Variants in MORC1 observed in about 807,000 individuals in gnomAD.
The protein encoded by MORC1 is MORC family CW-type zinc finger protein 1.
MORC1 carries 59 observed loss-of-function variants against 134.9 expected under a neutral mutation model. That is an observed-to-expected ratio of 0.44 (90% CI 0.35 to 0.54). The LOEUF (loss-of-function observed/expected upper bound fraction) is 0.54, where lower values mean the gene tolerates loss of function less well. MORC1 is among the 20% of genes least tolerant of loss of function. MORC1 has a pLI of 0.00. For synonymous variants in MORC1, 395 were observed against 391.7 expected (o/e 1.01, Z -0.10); for missense variants, 947 against 1,134.5 (o/e 0.83, Z 2.37).
intron 8 of MORC1, among the ~76,000 whole-genome samples, chr3:109,075,878 T>A (rs1019098445): frequency 6.6e-6 from 1 of 152,134 alleles, no homozygotes; most frequent in African/African-American, 2.4e-5. Context: ...AATCTATAAA[T>A]TACATTGGGC....
chr3:109,077,081 C>T (rs1278595065), intron 8 of MORC1, among the ~76,000 whole-genome samples: 2 of 151,192 alleles, frequency 1.3e-5, no homozygotes, highest in Non-Finnish European at 2.9e-5. Flanking sequence ...TTCTGATCAA[C>T]AACATGTATT....
intron 24 of MORC1, among the ~76,000 whole-genome samples, chr3:108,975,460 A>T (rs750612502): frequency 6.6e-6 from 1 of 152,188 alleles, no homozygotes; most frequent in Non-Finnish European, 1.5e-5. Context: ...AAATAAATGG[A>T]GTCTGCCTTA....
intron 14 of MORC1, among the ~76,000 whole-genome samples, chr3:109,040,018 A>G (rs906530980): frequency 3.3e-5 from 5 of 152,228 alleles, no homozygotes; most frequent in Non-Finnish European, 7.3e-5. Context: ...GCAAAGGCAC[A>G]GGCTCAGGCT....
At chr3:108,981,033 T>C (rs1947703336) in intron 23 of MORC1, among the ~76,000 whole-genome samples, 1 of 151,946 alleles carries the variant, frequency 6.6e-6, no homozygotes, top group Non-Finnish European at 1.5e-5. Context: ...GGCTGCAGCA[T>C]GAAAAATAAC....
At chr3:109,049,015 C>T (rs1949758141) in intron 14 of MORC1, 1 of 337,120 alleles carries the variant, frequency 3.0e-6, no homozygotes, top group Non-Finnish European at 4.2e-6. Flanking sequence ...CGGGTACATA[C>T]ATAAAATCTT....
chr3:109,050,398 G>T (rs541622183), intron 14 of MORC1, among the ~76,000 whole-genome samples: 2 of 152,256 alleles, frequency 1.3e-5, no homozygotes, highest in East Asian at 3.9e-4. Context: ...TTCTTAGATG[G>T]CTGTCTCTCA....
chr3:109,091,321 G>T (rs1293877549), intron 8 of MORC1, among the ~76,000 whole-genome samples: 1 of 151,924 alleles, frequency 6.6e-6, no homozygotes, highest in African/African-American at 2.4e-5. Context: ...GCACATGCCT[G>T]TAATCCCAGC....
At chr3:109,107,761 A>C (rs2107795009) in intron 3 of MORC1, among the ~76,000 whole-genome samples, 1 of 152,360 alleles carries the variant, frequency 6.6e-6, no homozygotes, top group Non-Finnish European at 1.5e-5. Context: ...TAAGAAAATC[A>C]GTTTGCTAGG....
intron 14 of MORC1, among the ~76,000 whole-genome samples, chr3:109,045,111 T>C (rs1345833385): frequency 6.6e-6 from 1 of 152,076 alleles, no homozygotes; most frequent in East Asian, 1.9e-4. Context: ...TCCATCAAAA[T>C]AAGGAGGCCT....
At chr3:109,059,782 C>T in intron 12 of MORC1, 24 bp downstream of exon 12, 1 of 1,602,494 alleles carries the variant, frequency 6.2e-7, no homozygotes, top group Non-Finnish European at 8.5e-7. Flanking sequence ...AGGATTCCTG[C>T]AAACAGAAAA....
intron 8 of MORC1, among the ~76,000 whole-genome samples, chr3:109,074,623 G>A (rs909257385): frequency 1.3e-5 from 2 of 152,192 alleles, no homozygotes; most frequent in Non-Finnish European, 2.9e-5. Context: ...AACTGACATC[G>A]AGAGTCTAAA....
At chr3:109,099,316 A>C in intron 6 of MORC1, 42 bp downstream of exon 6, 1 of 1,412,386 alleles carries the variant, frequency 7.1e-7, no homozygotes, top group East Asian at 2.3e-5. Context: ...AATGAAAGCA[A>C]CATCATTGCT....
intron 24 of MORC1, among the ~76,000 whole-genome samples, chr3:108,971,691 T>C (rs1199222295): frequency 1.3e-5 from 2 of 152,164 alleles, no homozygotes; most frequent in African/African-American, 4.8e-5. Context: ...ATTGTGATTC[T>C]GTTCCAGAGT....
rs570477587 is a variant in MORC1 at position 108,987,954 on chromosome 3, C to T, written c.2188-1005G>A. ...TCCTTGTTCCGAAGACCCCTGAACA[C>T]GCACTGATACGCACGCAACCATGTC... On this transcript the variant is annotated intron_variant, in intron 21 of 27. Transcript: ENST00000232603. 6.6e-5 allele frequency among the ~76,000 whole-genome samples: 10 copies of T among 152,082 alleles called. No homozygotes were observed. In the South Asian group the frequency reaches 1.0e-3, roughly 16 times the overall value.
chr3:109,035,270 T>C, intron 15 of MORC1, 70 bp downstream of exon 15: 5 of 1,412,312 alleles, frequency 3.5e-6, no homozygotes, highest in Non-Finnish European at 4.8e-6. Flanking sequence ...ATCCCTCATT[T>C]CTTAACACAA....
intron 21 of MORC1, among the ~76,000 whole-genome samples, chr3:108,996,742 G>A: frequency 6.6e-6 from 1 of 152,140 alleles, no homozygotes; most frequent in East Asian, 1.9e-4. Context: ...CGGGAGTAGT[G>A]GCTCATGCCT....
intron 8 of MORC1, among the ~76,000 whole-genome samples, chr3:109,086,060 G>C (rs1950610807): frequency 6.6e-6 from 1 of 152,016 alleles, no homozygotes; most frequent in Non-Finnish European, 1.5e-5. Flanking sequence ...TTAAGATAGA[G>C]AGTAGAATGG....
chr3:108,992,696 A>C (rs1362504220), intron 21 of MORC1, among the ~76,000 whole-genome samples: 3 of 152,208 alleles, frequency 2.0e-5, no homozygotes, highest in Non-Finnish European at 4.4e-5. Context: ...AAATAATTTT[A>C]ACTTCTTCAT....
intron 8 of MORC1, among the ~76,000 whole-genome samples, chr3:109,079,182 T>C (rs1950480347): frequency 6.6e-6 from 1 of 152,026 alleles, no homozygotes; most frequent in South Asian, 2.1e-4. Context: ...AAAGCACAGT[T>C]ACAGCCAGTC....
Sources: gnomAD v4.1 joint callset for allele counts (sites outside exome capture counted in the v4.1 genomes callset) on GRCh38, gnomAD v4.1.1 for gene constraint, MANE v1.5 for transcripts, NCBI Gene and HGNC (gene_info 2026-07-23, HGNC 2026-07-21) for gene names.